Variants in CFAP46 observed in about 807,000 individuals in gnomAD.
CFAP46 encodes cilia- and flagella-associated protein 46.
CFAP46 carries 245 observed loss-of-function variants against 325.7 expected under a neutral mutation model. The observed-to-expected ratio is 0.75, with a 90% CI of 0.68 to 0.84. CFAP46 has a LOEUF of 0.84. Among genes scored for constraint, CFAP46 ranks in the 40% least tolerant of loss-of-function variants. The pLI, the probability that CFAP46 is intolerant of heterozygous loss-of-function variation, is 0.00. For missense variants in CFAP46, 3,346 were observed against 3,543.0 expected (o/e 0.94, Z 1.41); for synonymous variants, 1,523 against 1,495.9 (o/e 1.02, Z -0.42).
chr10:132,823,749 ATGTGTGCTGTG>A (rs1242130492), intron 50 of CFAP46, among the ~76,000 whole-genome samples: 1 of 82,930 alleles, frequency 1.2e-5, no homozygotes, highest in South Asian at 4.2e-4. Context: ...GTGTGCGCTG[ATGTGTGCTGTG>A]TGTGTGCTGT....
rs1185407607 is a variant in CFAP46, at chr10:132,908,500, C to T, written c.2892G>A (p.Glu964=). 29 of 1,550,464 alleles carry T rather than the reference C, an allele frequency of 1.9e-5. No homozygotes were observed. ...TTMACAHRAL[E]MGIKYLKKFG... Reference sequence around the variant, plus strand: ...ATTTCTTCAGGTACTTGATGCCCATCTCCAGAGCCCTGTGAGCACAGGCCA... The same window carrying T: ...ATTTCTTCAGGTACTTGATGCCCATTTCCAGAGCCCTGTGAGCACAGGCCA... The change falls in exon 22 of 58, where the codon GAG becomes GAA. Residue 964 remains glutamate, a synonymous_variant. Coordinates refer to ENST00000368586, the MANE Select transcript of CFAP46 (RefSeq NM_001200049.3).
At chr10:132,880,794 A>C (rs970487652) in intron 28 of CFAP46, 67 bp downstream of exon 28, 1 of 1,502,706 alleles carries the variant, frequency 6.7e-7, no homozygotes, top group Non-Finnish European at 8.9e-7. Context: ...GGTCCAGATC[A>C]CGGAGCAGGA....
chr10:132,890,075 C>T (rs1217497197), intron 25 of CFAP46, among the ~76,000 whole-genome samples: 1 of 152,166 alleles, frequency 6.6e-6, no homozygotes, highest in Non-Finnish European at 1.5e-5. Flanking sequence ...ACGACTTATT[C>T]GACCTGTCTG....
At chr10:132,841,031 C>A (rs1286873644) in intron 44 of CFAP46, among the ~76,000 whole-genome samples, 1 of 152,164 alleles carries the variant, frequency 6.6e-6, no homozygotes, top group Non-Finnish European at 1.5e-5. Context: ...AATCTAAAAC[C>A]ATTAATTAGA....
At chr10:132,870,826 C>T (rs115173994) in intron 32 of CFAP46, among the ~76,000 whole-genome samples, 1,771 of 151,978 alleles carry the variant, frequency 0.012, 35 homozygotes, top group African/African-American at 0.039. Context: ...GAAGATCCAG[C>T]TAATAAGAGC....
Position 132,924,737 on chromosome 10 carries a change from C to T in CFAP46, c.1215G>A (p.Lys405=), listed in dbSNP as rs1324142636. ...LQHNLRHHLR[K]PLAGVADVLE... is the part of the protein sequence containing the mutation. ...GCACGTCCGCAACGCCAGCCAGGGG[C>T]TTCCGCAGGTGGTGCCGCAGGTTGT... Residue 405 remains lysine, a synonymous_variant, in exon 11 of 58, where the codon AAG becomes AAA. Coordinates refer to ENST00000368586, the MANE Select transcript of CFAP46 (RefSeq NM_001200049.3). The T allele has an allele frequency of 5.8e-6, 9 of 1,540,150 alleles. No individual in the cohort carries two copies. Among genetic ancestry groups the T allele is most frequent in the South Asian group, 1.2e-5 (1 of 83,394 alleles).
chr10:132,892,216 T>C (rs1003627141), intron 25 of CFAP46, 117 bp downstream of exon 25: 12 of 871,444 alleles, frequency 1.4e-5, no homozygotes, highest in Non-Finnish European at 1.8e-5. Flanking sequence ...CTGGAGTTAC[T>C]GCCAAGTGGC....
intron 50 of CFAP46, among the ~76,000 whole-genome samples, chr10:132,822,737 CAGT>C (rs1847896594): frequency 1.2e-5 from 1 of 80,166 alleles, no homozygotes; most frequent in Non-Finnish European, 2.5e-5. Context: ...GCTGTGTGTG[CAGT>C]GATGTGTGCT....
intron 25 of CFAP46, among the ~76,000 whole-genome samples, chr10:132,891,244 C>A (rs906850937): frequency 1.1e-4 from 17 of 152,166 alleles, no homozygotes; most frequent in South Asian, 2.1e-4. Flanking sequence ...CATTCTAAGC[C>A]CCCCAACCGA....
Position 132,814,676 on chromosome 10 carries a change from CA to C in CFAP46, c.7249+9del. The stretch of plus-strand genomic sequence containing the variant: ...GGTCTGGGGCCCCCCCGGGGCCCAT[CA>C]AAGGATACACTTGAAGTTGTCTGAG... On this transcript the variant is annotated intron_variant, in intron 52 of 57. Transcript: ENST00000368586. 1.9e-6 allele frequency: 3 copies of C among 1,595,648 alleles called. No individual in the cohort carries two copies. Among genetic ancestry groups the C allele is most frequent in the Non-Finnish European group, 2.6e-6 (3 of 1,170,956 alleles).
intron 26 of CFAP46, 137 bp from the exon 27 acceptor site, chr10:132,885,423 C>A: frequency 1.2e-6 from 1 of 835,336 alleles, no homozygotes; most frequent in Non-Finnish European, 1.8e-6. Flanking sequence ...GAGCGGGGGT[C>A]TCGGGGCTAC....
intron 44 of CFAP46, among the ~76,000 whole-genome samples, chr10:132,845,010 T>C (rs746974401): frequency 3.4e-4 from 51 of 152,136 alleles, no homozygotes; most frequent in Non-Finnish European, 6.3e-4. Flanking sequence ...TGTGCCCCCA[T>C]GTCCAGCTTA....
chr10:132,909,898 G>A (rs1300930953), intron 20 of CFAP46, 21 bp downstream of exon 20: 1 of 1,415,390 alleles, frequency 7.1e-7, no homozygotes, highest in Non-Finnish European at 9.2e-7. Flanking sequence ...TCAGAGCCCA[G>A]ATGTGGGCAG....
At chr10:132,931,033 C>T (rs1591098253) in intron 8 of CFAP46, among the ~76,000 whole-genome samples, 2 of 111,486 alleles carry the variant, frequency 1.8e-5, no homozygotes, top group Non-Finnish European at 3.7e-5. Flanking sequence ...AAACCTGGGC[C>T]TCCCCACACT....
In CFAP46 at chr10:132,886,886, C is replaced by G. The variant is rs1202517434; in HGVS notation, c.3305-927G>C. 6.6e-6 allele frequency among the ~76,000 whole-genome samples: 1 copy of G among 152,064 alleles called. No homozygotes were observed. On this transcript the variant is annotated intron_variant, in intron 25 of 57. Transcript: ENST00000368586. The surrounding 1 kb of genome is among the most constrained non-coding windows in gnomAD (Gnocchi z 5.8). The stretch of plus-strand genomic sequence containing the variant: ...CTAGAATGCTGACGCGTCCCCTCCC[C>G]GTCATGGGCGCTGCCCAGCCCAGCC...
At chr10:132,874,987 T>G (rs2135329633) in intron 31 of CFAP46, among the ~76,000 whole-genome samples, 1 of 152,264 alleles carries the variant, frequency 6.6e-6, no homozygotes, top group African/African-American at 2.4e-5. Flanking sequence ...TGTTTGCAGA[T>G]AAAACGATGA....
At chr10:132,928,307 C>T (rs1849841352) in intron 9 of CFAP46, among the ~76,000 whole-genome samples, 1 of 152,138 alleles carries the variant, frequency 6.6e-6, no homozygotes, top group South Asian at 2.1e-4. Flanking sequence ...TTGGGGACAC[C>T]GTGCCGTGAA....
At position 132,879,451 on chromosome 10, in the gene CFAP46, T is replaced by A; in HGVS notation, c.3980A>T (p.Tyr1327Phe). The change falls in exon 29 of 58, where the codon TAC becomes TTC. Residue 1327 changes from tyrosine to phenylalanine, a missense_variant. Coordinates refer to ENST00000368586, the MANE Select transcript of CFAP46 (RefSeq NM_001200049.3). ...CTGCCAGATGTGCCTGAAGAAGGCG[T>A]AGGCTGCAAGGCAGCAGTCCTCGTA... ...EGYEDCCLAA[Y>F]AFFRHIWQVS... The A allele has an allele frequency of 6.5e-7, 1 of 1,536,504 alleles. No individual in the cohort carries two copies. The highest frequency in any genetic ancestry group is 1.2e-5 in the South Asian group (1 of 82,752).
intron 50 of CFAP46, among the ~76,000 whole-genome samples, chr10:132,820,508 C>CTG: frequency 6.8e-6 from 1 of 147,028 alleles, no homozygotes; most frequent in Middle Eastern, 3.6e-3. Context: ...CTGATGTGTG[C>CTG]TGTGAGTGCT....
Sources: gnomAD v4.1 joint callset for allele counts (sites outside exome capture counted in the v4.1 genomes callset) on GRCh38, gnomAD v4.1.1 for gene constraint, Gnocchi (gnomAD v3.1) non-coding constraint, MANE v1.5 for transcripts, NCBI Gene and HGNC (gene_info 2026-07-23, HGNC 2026-07-21) for gene names.